The following CNTNAP3B variants were observed in gnomAD, a reference collection of about 807,000 sequenced individuals.
CNTNAP3B encodes the protein contactin associated protein family member 3B, also known as contactin-associated protein-like 3B.
In CNTNAP3B, 25 loss-of-function variants were observed where a neutral mutation model predicts 108.9. The observed-to-expected ratio is 0.23, with a 90% CI of 0.17 to 0.32. The LOEUF is 0.32. Ranked by LOEUF, CNTNAP3B falls within the 10% of genes least tolerant of loss-of-function variation. CNTNAP3B has a pLI of 1.00. For missense variants in CNTNAP3B, 252 were observed against 1,210.4 expected (o/e 0.21, Z 11.75); for synonymous variants, 103 against 473.4 (o/e 0.22, Z 10.16).
chr9:41,950,915 C>G (rs1159507531), intron 13 of CNTNAP3B, among the ~76,000 whole-genome samples: 1 of 149,590 alleles, frequency 6.7e-6, no homozygotes, highest in African/African-American at 2.5e-5. Context: ...GCCACCACAC[C>G]TGGCTACTTT....
rs1390160541 is a variant in CNTNAP3B, at chr9:41,995,518, G to C, written c.1071+687C>G. 2.2e-5 allele frequency among the ~76,000 whole-genome samples: 3 copies of C among 135,608 alleles called. 1 individual carries two copies. Among genetic ancestry groups the C allele is most frequent in the South Asian group, 4.8e-4 (2 of 4,148 alleles). 89.0% of individuals were successfully genotyped at this position (135,608 alleles called of 152,430 possible). The stretch of plus-strand genomic sequence containing the variant: ...TGGGAGGCCAAGGTGGGCAGATCAC[G>C]AGGTTGGGAAATCGAGACCATCCTG... On this transcript the variant is annotated intron_variant, in intron 7 of 23. Transcript: ENST00000377561.
chr9:42,097,226 T>C lies in CNTNAP3B; in HGVS notation c.196+7403A>G, dbSNP rs1205616586. On this transcript the variant is annotated intron_variant, in intron 2 of 23. Transcript: ENST00000377561. ...GTTTTGTTTGAAAACTGACGGAAAA[T>C]ATGACATCATGTTCCCATCTGGCAG... 2.9e-5 allele frequency among the ~76,000 whole-genome samples: 4 copies of C among 140,010 alleles called. 1 individual carries two copies. The highest frequency in any genetic ancestry group is 6.1e-5 in the Non-Finnish European group (4 of 65,144). 91.9% of individuals were successfully genotyped at this position (140,010 alleles called of 152,430 possible). A position where few individuals can be genotyped will look rare whatever the true frequency, so the allele number is the denominator to read the frequency against.
At position 42,095,900 on chromosome 9, in the gene CNTNAP3B, C is replaced by T. The variant is rs1307736896; in HGVS notation, c.196+8729G>A. On this transcript the variant is annotated intron_variant, in intron 2 of 23. Coordinates refer to ENST00000377561, the MANE Select transcript of CNTNAP3B (RefSeq NM_001201380.3). The stretch of plus-strand genomic sequence containing the variant: ...GCCCCAAGTAGAGGTCAGCACTGCA[C>T]TGTCCTCAGGGATGGCGACCTGCTG... 4.3e-5 allele frequency among the ~76,000 whole-genome samples: 6 copies of T among 138,644 alleles called. 1 individual carries two copies. Among genetic ancestry groups the T allele is most frequent in the East Asian group, 2.2e-4 (1 of 4,562 alleles). The allele number at this position is 138,644 out of a possible 152,430, so 91.0% of individuals were successfully genotyped here. A position where few individuals can be genotyped will look rare whatever the true frequency, so the allele number is the denominator to read the frequency against.
intron 3 of CNTNAP3B, among the ~76,000 whole-genome samples, chr9:42,022,013 T>C (rs1223854674): frequency 8.2e-6 from 1 of 121,946 alleles, no homozygotes; most frequent in Non-Finnish European, 1.7e-5. Flanking sequence ...TAAATGATAA[T>C]AGCCCTTCCC....
intron 12 of CNTNAP3B, among the ~76,000 whole-genome samples, chr9:41,956,526 T>G (rs556073386): frequency 2.2e-3 from 328 of 152,212 alleles, no homozygotes; most frequent in Middle Eastern, 3.4e-3. Context: ...ACTCAGTATA[T>G]CATATGAAAT....
At chr9:41,969,166 G>A (rs1825369728) in intron 10 of CNTNAP3B, among the ~76,000 whole-genome samples, 1 of 152,072 alleles carries the variant, frequency 6.6e-6, no homozygotes, top group South Asian at 2.1e-4. Flanking sequence ...CAAATGTACT[G>A]GGGCAAATTG....
intron 12 of CNTNAP3B, among the ~76,000 whole-genome samples, chr9:41,957,977 T>A (rs1205848594): frequency 2.0e-5 from 3 of 152,282 alleles, no homozygotes; most frequent in Admixed American, 6.5e-5. Context: ...TTAGCCAGGA[T>A]GGTCTCGATC....
intron 15 of CNTNAP3B, among the ~76,000 whole-genome samples, 167 bp from the exon 16 acceptor site, chr9:41,924,260 C>A (rs1823746327): frequency 6.6e-6 from 1 of 152,306 alleles, no homozygotes; most frequent in African/African-American, 2.4e-5. Context: ...ACATCAAGAG[C>A]TAAATGGTGA....
At chr9:42,127,623 AT>A (rs1409218690) in intron 1 of CNTNAP3B, among the ~76,000 whole-genome samples, 1 of 139,934 alleles carries the variant, frequency 7.1e-6, no homozygotes, top group Non-Finnish European at 1.5e-5. Context: ...AGACCCAAGG[AT>A]TTTAATTTAA....
rs1296235402 is a variant in CNTNAP3B, at chr9:41,966,525, A to T, written c.1650-1881T>A. Among the ~76,000 whole-genome samples the T allele has an allele frequency of 2.0e-5, 3 of 152,240 alleles. No homozygotes were observed. In the East Asian group the frequency reaches 5.8e-4, roughly 29 times the overall value. ...GTGGGGTCAGCAGCCTGGTCAGCAC[A>T]GCCAGGTGAGGAGGTGACAGAGGCC... On this transcript the variant is annotated intron_variant, in intron 10 of 23. Coordinates refer to ENST00000377561, the MANE Select transcript of CNTNAP3B (RefSeq NM_001201380.3).
intron 14 of CNTNAP3B, among the ~76,000 whole-genome samples, chr9:41,932,336 T>G (rs1359209183): frequency 2.0e-5 from 3 of 152,002 alleles, no homozygotes. Context: ...AAATTTTTAT[T>G]TATTAGAAAT....
At chr9:42,018,808 A>T (rs2118436830) in intron 3 of CNTNAP3B, among the ~76,000 whole-genome samples, 1 of 152,010 alleles carries the variant, frequency 6.6e-6, no homozygotes, top group East Asian at 1.9e-4. Flanking sequence ...ACTATGGGCA[A>T]GATACTCAAC....
chr9:41,928,707 G>C (rs1298631174), intron 15 of CNTNAP3B, among the ~76,000 whole-genome samples: 3 of 151,488 alleles, frequency 2.0e-5, no homozygotes, highest in Non-Finnish European at 4.4e-5. Flanking sequence ...TAGTGGGTAA[G>C]AAACACTATT....
chr9:42,068,090 C>A (rs374072397), intron 3 of CNTNAP3B, among the ~76,000 whole-genome samples: 1 of 133,698 alleles, frequency 7.5e-6, no homozygotes, highest in Admixed American at 7.5e-5. Flanking sequence ...TAGACCAGCA[C>A]ACTTCTCTGA....
intron 14 of CNTNAP3B, among the ~76,000 whole-genome samples, chr9:41,929,917 T>C (rs1279218473): frequency 3.3e-5 from 5 of 152,126 alleles, no homozygotes; most frequent in Admixed American, 6.5e-5. Context: ...CCTGACCCGT[T>C]TGCCAATTCC....
chr9:41,932,686 A>G (rs1167370723), intron 14 of CNTNAP3B, among the ~76,000 whole-genome samples: 15 of 152,142 alleles, frequency 9.9e-5, no homozygotes, highest in African/African-American at 3.1e-4. Context: ...CGCTCAGCTA[A>G]TTTTTGTATT....
intron 13 of CNTNAP3B, among the ~76,000 whole-genome samples, chr9:41,940,307 C>G (rs1173070015): frequency 9.2e-5 from 14 of 152,390 alleles, no homozygotes; most frequent in African/African-American, 3.4e-4. Context: ...CATAATTGAA[C>G]TTTTTGGAAA....
intron 10 of CNTNAP3B, among the ~76,000 whole-genome samples, chr9:41,968,052 C>T (rs762211013): frequency 0.088 from 12,544 of 141,956 alleles, 61 homozygotes; most frequent in Middle Eastern, 0.11. Flanking sequence ...ACAAAACAGC[C>T]TATAACAGTA....
At chr9:41,964,859 G>A (rs562355992) in intron 10 of CNTNAP3B, among the ~76,000 whole-genome samples, 223 of 152,184 alleles carry the variant, frequency 1.5e-3, no homozygotes, top group African/African-American at 5.1e-3. Context: ...TTCTGTGACA[G>A]CTGAATTTTC....
Sources: gnomAD v4.1 joint callset for allele counts (sites outside exome capture counted in the v4.1 genomes callset) on GRCh38, gnomAD v4.1.1 for gene constraint, MANE v1.5 for transcripts, NCBI Gene and HGNC (gene_info 2026-07-23, HGNC 2026-07-21) for gene names.